The following IGSF9 variants were observed in gnomAD, a reference collection of about 807,000 sequenced individuals.
IGSF9 encodes immunoglobulin superfamily member 9, also known as protein turtle homolog A.
A neutral mutation model predicts 121.7 loss-of-function variants in IGSF9; 87 were observed. The ratio of observed to expected loss-of-function variants is 0.71; its 90% CI spans 0.60 to 0.85. The LOEUF (loss-of-function observed/expected upper bound fraction) is 0.85, where lower values mean the gene tolerates loss of function less well. Among genes scored for constraint, IGSF9 ranks in the 40% least tolerant of loss-of-function variants. The probability of loss-of-function intolerance (pLI) is 0.00; values close to 1 mark genes in which losing one functional copy is unlikely to be tolerated. For missense variants in IGSF9, 1,462 were observed against 1,565.3 expected, an observed-to-expected ratio of 0.93 and a Z score of 1.11; for synonymous variants, 640 against 648.4, an observed-to-expected ratio of 0.99 and a Z score of 0.20.
chr1:159,937,580 T>C (rs1186279380), intron 4 of IGSF9, 106 bp downstream of exon 4: 14 of 1,321,954 alleles, frequency 1.1e-5, no homozygotes, highest in Non-Finnish European at 1.4e-5. Flanking sequence ...TCAGAGCTGT[T>C]TGTGGGATGG....
At position 159,927,390 on chromosome 1, in the gene IGSF9, G is replaced by A; in HGVS notation, c.3495C>T (p.Ala1165=). The A allele has an allele frequency of 6.2e-7, 1 of 1,613,800 alleles. No homozygotes were observed. Among genetic ancestry groups the A allele is most frequent in the Non-Finnish European group, 8.5e-7 (1 of 1,180,034 alleles). The change falls in exon 21 of 21, where the codon GCC becomes GCT. Residue 1165 remains alanine (A), a synonymous_variant. Transcript: ENST00000368094. ...CGGGGTGGGGGACTGGCTGTCGATA[G>A]GCTGGTAGCCGAGCCCTAGTAGCAT... is the stretch of plus-strand genomic sequence containing the variant. ...RRDATRARLP[A]YRQPVPHPEQ... is the part of the protein sequence containing the mutation.
intron 1 of IGSF9, among the ~76,000 whole-genome samples, chr1:159,945,275 A>G (rs1307633175): frequency 6.6e-6 from 1 of 150,530 alleles, no homozygotes; most frequent in African/African-American, 2.5e-5. Context: ...CCACAATACA[A>G]TTCTGATACC....
chr1:159,934,049 T>C lies in IGSF9; in HGVS notation c.1104+141A>G, dbSNP rs914934203. On this transcript the variant is annotated intron_variant, in intron 9 of 20. Transcript: ENST00000368094. ...GTTTTAAGTAGTTTCCTATGCAACA[T>C]GTCTTATAACACAAATTAAATTCAC... is the stretch of plus-strand genomic sequence containing the variant. The C allele has an allele frequency of 4.9e-6, 5 of 1,027,164 alleles. No individual in the cohort carries two copies. The African/African-American group carries it at 6.4e-5, about 13-fold the overall frequency. 63.6% of individuals were successfully genotyped at this position (1,027,164 alleles called of 1,614,324 possible).
chr1:159,930,054 A>G (rs1212101064), intron 15 of IGSF9, 79 bp from the exon 16 acceptor site: 31 of 1,558,794 alleles, frequency 2.0e-5, no homozygotes, highest in Non-Finnish European at 2.6e-5. Context: ...AAGACCGTGC[A>G]CGTGGGACGG....
chr1:159,943,076 G>A lies in IGSF9; in HGVS notation c.134C>T (p.Pro45Leu). The A allele has an allele frequency of 1.2e-6, 2 of 1,613,060 alleles. No homozygotes were observed. The highest frequency in any genetic ancestry group is 1.7e-6 in the Non-Finnish European group (2 of 1,179,552). The change falls in exon 3 of 21, where the codon CCC (proline) becomes CTC (leucine). Residue 45 changes from proline to leucine, a missense_variant. Coordinates refer to ENST00000368094, the MANE Select transcript of IGSF9 (RefSeq NM_001135050.2). ...ESVVLGCDLL[P>L]PAGRPPLHVI... ...ATGCAGGGGGGGCCGGCCGGCCGGG[G>A]GCAGCAGGTCACAGCCCAGCACCAC...
rs768235904 is a variant in IGSF9, at chr1:159,929,776, G to A, written c.2188C>T (p.Leu730Phe). The change falls in exon 17 of 21, where the codon CTC (leucine) becomes TTC (phenylalanine). Residue 730 changes from leucine (L) to phenylalanine (F), a missense_variant. By Grantham distance (22) the Leu-to-Phe change is conservative. Around this residue, in one of 3 missense-constraint regions of IGSF9, gnomAD observed 808 missense variants for 815.2 expected, o/e 0.99. Transcript: ENST00000368094. ...VYPSRTQLPGLLPQPVLAGVV... is the reference protein window; with the variant it reads ...VYPSRTQLPGFLPQPVLAGVV... ...CCGGCCAGCACGGGCTGAGGCAGGA[G>A]GCCCGGCAGCTGCGTGCGCGAAGGG... The A allele has an allele frequency of 3.7e-6, 6 of 1,606,856 alleles. No individual in the cohort carries two copies. In the South Asian group the frequency reaches 5.6e-5, roughly 15 times the overall value.
In IGSF9 at chr1:159,927,750, G is replaced by C. The variant is rs1247515737; in HGVS notation, c.3358+10C>G. ...GCCGAGATGCCTGCCTTTCCGGGGG[G>C]CTCACACACCTAGCTCTGGCTCAGC... On this transcript the variant is annotated intron_variant, in intron 20 of 20. Coordinates refer to ENST00000368094, the MANE Select transcript of IGSF9 (RefSeq NM_001135050.2). 6.2e-7 allele frequency: 1 copy of C among 1,610,530 alleles called. No individual in the cohort carries two copies.
rs1651008687 is a variant in IGSF9 at position 159,931,782 on chromosome 1, G to T, written c.1362+30C>A. 6.7e-7 allele frequency: 1 copy of T among 1,499,320 alleles called. No individual in the cohort carries two copies. Among genetic ancestry groups the T allele is most frequent in the South Asian group, 1.2e-5 (1 of 80,092 alleles). 92.9% of individuals were successfully genotyped at this position (1,499,320 alleles called of 1,614,324 possible). A position where few individuals can be genotyped will look rare whatever the true frequency, so the allele number is the denominator to read the frequency against. On this transcript the variant is annotated intron_variant, in intron 11 of 20. Coordinates refer to ENST00000368094, the MANE Select transcript of IGSF9 (RefSeq NM_001135050.2). This position sits in a 1 kb window ranked among gnomAD's most constrained non-coding sequence, Gnocchi z 4.8. ...AGAGGCAGGGGTGTAGTGGGCGTGG[G>T]TACAGGCAGAGCGGGCTCAGGAGCC...
rs1651024960 is a variant in IGSF9 at position 159,932,242 on chromosome 1, G to A, written c.1245+270C>T. On this transcript the variant is annotated intron_variant, in intron 10 of 20. Transcript: ENST00000368094. The surrounding 1 kb of genome is among the most constrained non-coding windows in gnomAD (Gnocchi z 4.1). The stretch of plus-strand genomic sequence containing the variant: ...TTCCTCCCAGAGCCCCAGAGAGGGA[G>A]GCAGCACGGTCAAGGTTAGTGAGAG... 1 of 578,302 alleles carries A rather than the reference G, an allele frequency of 1.7e-6. No individual in the cohort carries two copies. The highest frequency in any genetic ancestry group is 2.1e-5 in the South Asian group (1 of 48,406). 35.8% of individuals were successfully genotyped at this position (578,302 alleles called of 1,614,324 possible).
In IGSF9 at chr1:159,932,825, C is replaced by T. The variant is rs1651044052; in HGVS notation, c.1105-173G>A. 1.6e-6 allele frequency: 1 copy of T among 618,734 alleles called. No individual in the cohort carries two copies. The highest frequency in any genetic ancestry group is 3.2e-5 in the Admixed American group (1 of 30,912). The allele number at this position is 618,734 out of a possible 1,614,324, so 38.3% of individuals were successfully genotyped here. A position where few individuals can be genotyped will look rare whatever the true frequency, so the allele number is the denominator to read the frequency against. On this transcript the variant is annotated intron_variant, in intron 9 of 20. Transcript: ENST00000368094. This position sits in a 1 kb window ranked among gnomAD's most constrained non-coding sequence, Gnocchi z 4.1. Reference sequence around the variant, plus strand: ...TTTCCAGTGCTTCCTTTCCTTCCTGCAGAGGGACCCCTCCCAATAGTGTGA... The same window carrying T: ...TTTCCAGTGCTTCCTTTCCTTCCTGTAGAGGGACCCCTCCCAATAGTGTGA...
At position 159,931,131 on chromosome 1, in the gene IGSF9, C is replaced by G; in HGVS notation, c.1637+7G>C. 1 of 1,614,052 alleles carries G rather than the reference C, an allele frequency of 6.2e-7. No individual in the cohort carries two copies. The highest frequency in any genetic ancestry group is 1.1e-5 in the South Asian group (1 of 91,056). ...GCACAGAGAAATGGCAGGAGCAGGT[C>G]ACTCACAGTGGGGTGTACCAGACAC... On this transcript the variant is annotated splice_region_variant and intron_variant, in intron 13 of 20. Transcript: ENST00000368094. The surrounding 1 kb of genome is among the most constrained non-coding windows in gnomAD (Gnocchi z 4.8).
Position 159,930,233 on chromosome 1 carries a change from C to T in IGSF9, c.2020G>A (p.Val674Met). 6.2e-7 allele frequency: 1 copy of T among 1,613,142 alleles called. No homozygotes were observed. Among genetic ancestry groups the T allele is most frequent in the Non-Finnish European group, 8.5e-7 (1 of 1,179,606 alleles). ...SQGWEVLDPA[V>M]AGTETELLVP... ...AGCAGCTCTGTTTCTGTGCCTGCCA[C>T]AGCCGGGTCCAGCACCTCCCAGCCC... Residue 674 changes from valine (V) to methionine (M), a missense_variant, in exon 15 of 21, where the codon GTG becomes ATG. Transcript: ENST00000368094.
chr1:159,944,995 C>G (rs1248930848), intron 1 of IGSF9, among the ~76,000 whole-genome samples: 1 of 152,040 alleles, frequency 6.6e-6, no homozygotes, highest in Non-Finnish European at 1.5e-5. Context: ...CTCCCAGTCT[C>G]TTAATATCTT....
At position 159,927,187 on chromosome 1, in the gene IGSF9, C is replaced by T. The variant is rs184578889; in HGVS notation, c.*158G>A. ...GACTCACCTAGGGGGTCAGCACATACATTCCATACCAAGGTGACCCAAACC... is the reference window on the plus strand; with the variant it reads ...GACTCACCTAGGGGGTCAGCACATATATTCCATACCAAGGTGACCCAAACC... On this transcript the variant is annotated 3_prime_UTR_variant, in exon 21 of 21. Coordinates refer to ENST00000368094, the MANE Select transcript of IGSF9 (RefSeq NM_001135050.2). The T allele has an allele frequency of 1.4e-5, 11 of 776,084 alleles. No individual in the cohort carries two copies. The African/African-American group carries it at 1.7e-4, about 12-fold the overall frequency. 48.1% of individuals were successfully genotyped at this position (776,084 alleles called of 1,614,324 possible). A position where few individuals can be genotyped will look rare whatever the true frequency, so the allele number is the denominator to read the frequency against.
chr1:159,930,778 G>A lies in IGSF9; in HGVS notation c.1727C>T (p.Pro576Leu). Residue 576 changes from proline (P) to leucine (L), a missense_variant, in exon 14 of 21, where the codon CCC becomes CTC. Physicochemically the swap from Pro to Leu is moderately conservative, Grantham distance 98 (BLOSUM62 -3). Coordinates refer to ENST00000368094, the MANE Select transcript of IGSF9 (RefSeq NM_001135050.2). ...CACGCTGAACTGGTACTGGGTGTGG[G>A]GCTGCAGCCCTGGCACTAGGAGGTG... The part of the protein sequence containing the change: ...AAHLLVPGLQ[P>L]HTQYQFSVLA... The A allele has an allele frequency of 6.2e-7, 1 of 1,614,110 alleles. No individual in the cohort carries two copies.
At chr1:159,933,020 T>G in intron 9 of IGSF9, 1 of 174,602 alleles carries the variant, frequency 5.7e-6, no homozygotes. Context: ...CAGCTCCTAT[T>G]TCTCTATTAA....
At chr1:159,934,046 A>G in intron 9 of IGSF9, 144 bp downstream of exon 9, 2 of 1,012,824 alleles carry the variant, frequency 2.0e-6, no homozygotes, top group Non-Finnish European at 2.9e-6. Flanking sequence ...TTCCTATGCA[A>G]CATGTCTTAT....
chr1:159,929,337 G>A lies in IGSF9; in HGVS notation c.2369+14C>T. The A allele has an allele frequency of 1.9e-6, 3 of 1,613,514 alleles. No homozygotes were observed. Among genetic ancestry groups the A allele is most frequent in the East Asian group, 4.5e-5 (2 of 44,882 alleles). On this transcript the variant is annotated intron_variant, in intron 18 of 20. Coordinates refer to ENST00000368094, the MANE Select transcript of IGSF9 (RefSeq NM_001135050.2). Reference sequence around the variant, plus strand: ...GGAAAGGCAGAAGAAAGCCAAGGAGGTGGAGGCACTTACGGTGCAGCTGAC... The same window carrying A: ...GGAAAGGCAGAAGAAAGCCAAGGAGATGGAGGCACTTACGGTGCAGCTGAC...
intron 15 of IGSF9, 38 bp from the exon 16 acceptor site, chr1:159,930,013 C>A: frequency 6.3e-7 from 1 of 1,583,758 alleles, no homozygotes; most frequent in Non-Finnish European, 8.6e-7. Context: ...GAGGTCAGGG[C>A]CCAGCACCGC....
Sources: gnomAD v4.1 joint callset for allele counts (sites outside exome capture counted in the v4.1 genomes callset) on GRCh38, gnomAD v4.1.1 for gene constraint, gnomAD v4.1.1 regional missense constraint, Gnocchi (gnomAD v3.1) non-coding constraint, MANE v1.5 for transcripts, NCBI Gene and HGNC (gene_info 2026-07-23, HGNC 2026-07-21) for gene names.